Variants in CYP4X1 observed in about 807,000 individuals in gnomAD.
CYP4X1 encodes cytochrome P450 family 4 subfamily X member 1, also known as cytochrome P450 4X1.
CYP4X1 carries 44 observed loss-of-function variants against 57.9 expected under a neutral mutation model. The ratio of observed to expected loss-of-function variants is 0.76; its 90% CI spans 0.60 to 0.98. CYP4X1 has a LOEUF of 0.98. Among genes scored for constraint, CYP4X1 ranks in the 50% least tolerant of loss-of-function variants. CYP4X1 has a pLI of 0.00. For synonymous variants in CYP4X1, 227 were observed against 228.6 expected (o/e 0.99, Z 0.06); for missense variants, 532 against 623.9 (o/e 0.85, Z 1.57).
intron 9 of CYP4X1, among the ~76,000 whole-genome samples, chr1:47,047,124 T>C (rs1162875801): frequency 1.3e-5 from 2 of 152,190 alleles, no homozygotes; most frequent in African/African-American, 4.8e-5. Flanking sequence ...CTGAACACTT[T>C]TAAGTACTTT....
At chr1:47,047,914 C>A (rs11211424) in intron 9 of CYP4X1, among the ~76,000 whole-genome samples, 11,686 of 152,052 alleles carry the variant, frequency 0.077, 550 homozygotes, top group East Asian at 0.22. Flanking sequence ...TGCTTTTATA[C>A]CTAAATTGTC....
upstream of CYP4X1, among the ~76,000 whole-genome samples, chr1:47,021,613 A>T (rs1261614717): frequency 6.6e-6 from 1 of 152,244 alleles, no homozygotes. Flanking sequence ...CTGAACTTCA[A>T]GCCTCTTCAA....
the CYP4X1 span, among the ~76,000 whole-genome samples, chr1:46,985,144 G>C: frequency 6.6e-6 from 1 of 152,142 alleles, no homozygotes; most frequent in South Asian, 2.1e-4. Context: ...ACTGTAGCCA[G>C]ACTGCCTCTC....
the CYP4X1 span, among the ~76,000 whole-genome samples, chr1:46,998,963 G>C: frequency 2.7e-5 from 4 of 150,758 alleles, no homozygotes; most frequent in Non-Finnish European, 5.9e-5. Context: ...ATGTTGATTT[G>C]GTTACTATAG....
chr1:47,009,387 A>C, the CYP4X1 span, among the ~76,000 whole-genome samples: 1 of 152,198 alleles, frequency 6.6e-6, no homozygotes, highest in Non-Finnish European at 1.5e-5. Context: ...AACATACCAG[A>C]ATTTATGGGA....
chr1:47,001,889 C>G, the CYP4X1 span, among the ~76,000 whole-genome samples: 2 of 152,258 alleles, frequency 1.3e-5, no homozygotes, highest in Admixed American at 1.3e-4. Context: ...TCCTAACCCT[C>G]TTCATGTGGA....
chr1:46,980,376 A>C, the CYP4X1 span, among the ~76,000 whole-genome samples: 1 of 152,218 alleles, frequency 6.6e-6, no homozygotes, highest in Admixed American at 6.5e-5. Context: ...TCCCATTCAC[A>C]ATTGCTACAA....
At chr1:46,985,350 A>C in the CYP4X1 span, among the ~76,000 whole-genome samples, 2 of 152,210 alleles carry the variant, frequency 1.3e-5, no homozygotes, top group African/African-American at 4.8e-5. Context: ...TAGATAAAAA[A>C]GGCAGCAGCC....
the CYP4X1 span, among the ~76,000 whole-genome samples, chr1:46,999,222 G>A: frequency 6.6e-6 from 1 of 152,038 alleles, no homozygotes; most frequent in African/African-American, 2.4e-5. Context: ...TTGATAGGTA[G>A]ACTTTTTATT....
intron 11 of CYP4X1, 66 bp from the exon 12 acceptor site, chr1:47,049,934 T>G: frequency 6.7e-7 from 1 of 1,481,568 alleles, no homozygotes; most frequent in Non-Finnish European, 9.3e-7. Context: ...ATTGTACTAG[T>G]ATTTTACTAT....
Position 47,023,705 on chromosome 1 carries a change from C to T in CYP4X1, c.-113C>T, listed in dbSNP as rs1644024272. 2.1e-6 allele frequency: 3 copies of T among 1,454,422 alleles called. No individual in the cohort carries two copies. The highest frequency in any genetic ancestry group is 2.7e-6 in the Non-Finnish European group (3 of 1,107,306). The allele number at this position is 1,454,422 out of a possible 1,614,324, so 90.1% of individuals were successfully genotyped here. ...TTCTTCCCGCGAGTCAGAAGCTTCG[C>T]GAGGGCCCAGAGAGGCGGTGGGGTG... On this transcript the variant is annotated 5_prime_UTR_variant, in exon 1 of 12. Transcript: ENST00000371901.
the CYP4X1 span, among the ~76,000 whole-genome samples, chr1:47,007,194 C>T: frequency 6.6e-6 from 1 of 152,220 alleles, no homozygotes; most frequent in Non-Finnish European, 1.5e-5. Context: ...GGCAGACTGA[C>T]ACCTCACACG....
chr1:47,027,033 C>T (rs973096105), intron 1 of CYP4X1, among the ~76,000 whole-genome samples: 5 of 152,010 alleles, frequency 3.3e-5, no homozygotes, highest in African/African-American at 7.2e-5. Flanking sequence ...TTTTTTTTAA[C>T]GATGTTTTTG....
chr1:47,009,195 AT>A, the CYP4X1 span, among the ~76,000 whole-genome samples: 2 of 152,140 alleles, frequency 1.3e-5, no homozygotes, highest in African/African-American at 4.8e-5. Flanking sequence ...AAGAACAGAA[AT>A]TATAACAAAC....
At chr1:47,019,637 T>C (rs34053921), upstream of CYP4X1, among the ~76,000 whole-genome samples, 1,301 of 152,236 alleles carry the variant, frequency 8.5e-3, 8 homozygotes, top group Non-Finnish European at 0.013. Flanking sequence ...AATATTGCAA[T>C]AGCATCAGAA....
At chr1:47,053,380 G>A (rs1207413416), downstream of CYP4X1, among the ~76,000 whole-genome samples, 21 of 152,178 alleles carry the variant, frequency 1.4e-4, no homozygotes, top group East Asian at 1.9e-4. Flanking sequence ...ATAAACATAC[G>A]TGTGCATGTG....
the CYP4X1 span, among the ~76,000 whole-genome samples, chr1:47,006,242 T>A: frequency 6.6e-6 from 1 of 152,346 alleles, no homozygotes; most frequent in Admixed American, 6.5e-5. Flanking sequence ...AATATGGTTC[T>A]AAAAACTGTG....
the CYP4X1 span, among the ~76,000 whole-genome samples, chr1:46,975,672 C>T: frequency 6.6e-6 from 1 of 152,000 alleles, no homozygotes. Flanking sequence ...TAGTATCTTG[C>T]AGGGATTCTC....
At chr1:46,976,744 CT>C in the CYP4X1 span, among the ~76,000 whole-genome samples, 12 of 152,252 alleles carry the variant, frequency 7.9e-5, 1 homozygote, top group Admixed American at 4.6e-4. Flanking sequence ...TGAGATGAAG[CT>C]TTCAGAGGAA....
Sources: allele counts gnomAD v4.1 joint callset (sites outside exome capture counted in the v4.1 genomes callset), GRCh38; gene constraint gnomAD v4.1.1; transcripts MANE v1.5; gene names NCBI Gene and HGNC (gene_info 2026-07-23, HGNC 2026-07-21).